The following OSBPL6 variants were observed in gnomAD, a reference collection of about 807,000 sequenced individuals.
OSBPL6 encodes the protein oxysterol-binding protein-related protein 6.
A neutral mutation model predicts 125.8 loss-of-function variants in OSBPL6; 49 were observed. The ratio of observed to expected loss-of-function variants is 0.39; its 90% CI spans 0.31 to 0.49. The LOEUF (loss-of-function observed/expected upper bound fraction) is 0.49, where lower values mean the gene tolerates loss of function less well. Among genes scored for constraint, OSBPL6 ranks in the 20% least tolerant of loss-of-function variants. The pLI, the probability that OSBPL6 is intolerant of heterozygous loss-of-function variation, is 0.88. For missense variants in OSBPL6, 986 were observed against 1,135.4 expected (o/e 0.87, Z 1.89); for synonymous variants, 394 against 391.8 (o/e 1.01, Z -0.07).
chr2:178,235,398 C>CTTTTTTTTTTTTTTTTTTTTTTTTTT (rs540269327), intron 1 of OSBPL6, among the ~76,000 whole-genome samples: 3 of 78,040 alleles, frequency 3.8e-5, no homozygotes, highest in Admixed American at 1.9e-4. Context: ...CTTTTCTTTT[C>CTTTTTTTTTTTTTTTTTTTTTTTTTT]TTTTTTTTTT....
intron 1 of OSBPL6, among the ~76,000 whole-genome samples, chr2:178,265,191 CTTTTTTTTTTTTT>C (rs376718500): frequency 0.1 from 3,452 of 33,354 alleles, 153 homozygotes; most frequent in Non-Finnish European, 0.19. Context: ...CCAGACGAGA[CTTTTTTTTTTTTT>C]TTTTTTTTTT....
chr2:178,201,072 G>A (rs952316554), intron 1 of OSBPL6, among the ~76,000 whole-genome samples: 1 of 152,166 alleles, frequency 6.6e-6, no homozygotes, highest in Admixed American at 6.5e-5. Context: ...GGGATTACAG[G>A]TGTGAGCCAC....
At chr2:178,364,059 A>G (rs948194925) in intron 13 of OSBPL6, among the ~76,000 whole-genome samples, 1 of 152,200 alleles carries the variant, frequency 6.6e-6, no homozygotes, top group Admixed American at 6.5e-5. Context: ...GCCTTTGCTT[A>G]AGGTATTTAA....
Position 178,397,540 on chromosome 2 carries a change from A to G in OSBPL6, c.*1981A>G, listed in dbSNP as rs576358809. The G allele has an allele frequency of 1.3e-5, 2 of 152,278 alleles. No homozygotes were observed. Among genetic ancestry groups the G allele is most frequent in the Admixed American group, 1.3e-4 (2 of 15,300 alleles). The allele number at this position is 152,278 out of a possible 1,614,324, so 9.4% of individuals were successfully genotyped here. A position where few individuals can be genotyped will look rare whatever the true frequency, so the allele number is the denominator to read the frequency against. On this transcript the variant is annotated 3_prime_UTR_variant, in exon 25 of 25. Coordinates refer to ENST00000190611, the MANE Select transcript of OSBPL6 (RefSeq NM_032523.4). The stretch of plus-strand genomic sequence containing the variant: ...CTTCCTCACGGGAGTCTGTTCTCCT[A>G]TGGTTGATAAAGCTTTAAATACTAT...
At position 178,215,220 on chromosome 2, in the gene OSBPL6, A is replaced by G. The variant is rs192478500; in HGVS notation, c.-351+20546A>G. 3.7e-4 allele frequency among the ~76,000 whole-genome samples: 57 copies of G among 152,322 alleles called. No individual in the cohort carries two copies. In the East Asian group the frequency reaches 0.01, roughly 27 times the overall value. On this transcript the variant is annotated intron_variant, in intron 1 of 24. Transcript: ENST00000190611. ...GTTATGAGCTATGGAAGTAATGTCTATATAAAATAAGTTTTTACCTATTCT... is the reference window on the plus strand; with the variant it reads ...GTTATGAGCTATGGAAGTAATGTCTGTATAAAATAAGTTTTTACCTATTCT...
At chr2:178,354,073 G>A (rs536396038) in intron 12 of OSBPL6, among the ~76,000 whole-genome samples, 35 of 152,276 alleles carry the variant, frequency 2.3e-4, no homozygotes, top group African/African-American at 6.7e-4. Flanking sequence ...CCTTACATGA[G>A]CTCCTGAAGG....
intron 1 of OSBPL6, among the ~76,000 whole-genome samples, chr2:178,205,222 A>G (rs761348293): frequency 6.6e-6 from 1 of 152,226 alleles, no homozygotes; most frequent in Non-Finnish European, 1.5e-5. Flanking sequence ...TGAGAGTGCT[A>G]AAAAGAGGTT....
intron 1 of OSBPL6, among the ~76,000 whole-genome samples, chr2:178,281,680 T>C (rs551797606): frequency 6.6e-6 from 1 of 152,206 alleles, no homozygotes; most frequent in Admixed American, 6.5e-5. Flanking sequence ...GCCATTATCC[T>C]CAGCAAACTA....
rs556764183 is a variant in OSBPL6 at position 178,281,973 on chromosome 2, G to C, written c.-350-2954G>C. 2.0e-5 allele frequency among the ~76,000 whole-genome samples: 3 copies of C among 152,276 alleles called. No homozygotes were observed. The South Asian group carries it at 6.2e-4, about 32-fold the overall frequency. ...GAACTTAAAAGGAAAAAAATTGTTT[G>C]CACAGAATTAAGGTCCGGTCCCTGC... On this transcript the variant is annotated intron_variant, in intron 1 of 24. Coordinates refer to ENST00000190611, the MANE Select transcript of OSBPL6 (RefSeq NM_032523.4).
At chr2:178,353,786 A>G (rs570226417) in intron 12 of OSBPL6, among the ~76,000 whole-genome samples, 3 of 152,318 alleles carry the variant, frequency 2.0e-5, no homozygotes, top group East Asian at 1.9e-4. Context: ...CAAGGCAAAT[A>G]ATTGTCAGAT....
chr2:178,207,960 C>G (rs952546729), intron 1 of OSBPL6, among the ~76,000 whole-genome samples: 5 of 151,944 alleles, frequency 3.3e-5, no homozygotes, highest in Non-Finnish European at 5.9e-5. Flanking sequence ...AACTTGTGTG[C>G]CAGTGTGACA....
intron 3 of OSBPL6, among the ~76,000 whole-genome samples, chr2:178,309,244 G>A (rs949418111): frequency 2.6e-5 from 4 of 151,834 alleles, no homozygotes; most frequent in East Asian, 1.9e-4. Context: ...AATATTTGAC[G>A]GTTCTATATT....
At chr2:178,201,805 A>G (rs1023716446) in intron 1 of OSBPL6, among the ~76,000 whole-genome samples, 2 of 152,228 alleles carry the variant, frequency 1.3e-5, no homozygotes, top group Admixed American at 6.5e-5. Context: ...AAATACTGAC[A>G]GGGACCTGTG....
chr2:178,401,644 G>A lies in OSBPL6; in HGVS notation c.*6085G>A, dbSNP rs1696106250. ...GGGAAAAAAGTAGGTTCTCTAACTG[G>A]GGCAGGGATCTTGCTTCTTGGGGGC... On this transcript the variant is annotated 3_prime_UTR_variant, in exon 25 of 25. Coordinates refer to ENST00000190611, the MANE Select transcript of OSBPL6 (RefSeq NM_032523.4). 6.6e-6 allele frequency: 1 copy of A among 152,156 alleles called. No homozygotes were observed. The highest frequency in any genetic ancestry group is 1.5e-5 in the Non-Finnish European group (1 of 68,028). The allele number at this position is 152,156 out of a possible 1,614,324, so 9.4% of individuals were successfully genotyped here. A position where few individuals can be genotyped will look rare whatever the true frequency, so the allele number is the denominator to read the frequency against.
chr2:178,243,138 G>C (rs1031640569), intron 1 of OSBPL6, among the ~76,000 whole-genome samples: 4 of 152,106 alleles, frequency 2.6e-5, no homozygotes, highest in African/African-American at 9.7e-5. Flanking sequence ...CTGTAGTTAA[G>C]AATGAGCACT....
chr2:178,314,246 A>G lies in OSBPL6; in HGVS notation c.102+7960A>G, dbSNP rs148362636. On this transcript the variant is annotated intron_variant, in intron 3 of 24. Transcript: ENST00000190611. ...AAATGTTCTAATTTCTAAAGAAAAG[A>G]AAGTCAAGCATCCCTGATTTGATAC... 2.7e-3 allele frequency among the ~76,000 whole-genome samples: 406 copies of G among 152,380 alleles called. 2 individuals are homozygous for G. The highest frequency in any genetic ancestry group is 0.01 in the Middle Eastern group (3 of 294).
intron 13 of OSBPL6, among the ~76,000 whole-genome samples, chr2:178,368,366 C>T (rs1290594434): frequency 6.6e-6 from 1 of 152,098 alleles, no homozygotes; most frequent in South Asian, 2.1e-4. Context: ...GTCTTGATTT[C>T]CATGCTTCCT....
At chr2:178,341,744 T>A (rs763419775) in intron 11 of OSBPL6, among the ~76,000 whole-genome samples, 1 of 152,144 alleles carries the variant, frequency 6.6e-6, no homozygotes, top group Admixed American at 6.5e-5. Context: ...GAAACTCCAC[T>A]TCCACCTGGA....
chr2:178,278,245 C>T (rs1335186180), intron 1 of OSBPL6, among the ~76,000 whole-genome samples: 1 of 152,144 alleles, frequency 6.6e-6, no homozygotes, highest in Admixed American at 6.5e-5. Flanking sequence ...ATTTTCATGC[C>T]ATCAATATTC....
Sources: allele counts gnomAD v4.1 joint callset (sites outside exome capture counted in the v4.1 genomes callset), GRCh38; gene constraint gnomAD v4.1.1; transcripts MANE v1.5; gene names NCBI Gene and HGNC (gene_info 2026-07-23, HGNC 2026-07-21).